The following ERICH1 variants were observed in gnomAD, a reference collection of about 807,000 sequenced individuals.
The protein encoded by ERICH1 is glutamate rich 1.
ERICH1 carries 56 observed loss-of-function variants against 39.6 expected under a neutral mutation model. The observed-to-expected ratio is 1.41, with a 90% CI of 1.14 to 1.77. ERICH1 has a LOEUF of 1.77. Among genes scored for constraint, ERICH1 ranks in the 40% most tolerant of loss-of-function variants. ERICH1 has a pLI of 0.00. For synonymous variants in ERICH1, 313 were observed against 223.6 expected, an observed-to-expected ratio of 1.40 and a Z score of -3.57; for missense variants, 826 against 575.4, an observed-to-expected ratio of 1.44 and a Z score of -4.45.
At position 708,681 on chromosome 8, in the gene ERICH1, G is replaced by GTTTTTTTTTTGTT. The variant is rs1563319316; in HGVS notation, c.169+7179_169+7180insAACAAAAAAAAAA. Among the ~76,000 whole-genome samples, 382 of 65,732 alleles carry GTTTTTTTTTTGTT rather than the reference G, an allele frequency of 5.8e-3. 12 individuals are homozygous for GTTTTTTTTTTGTT. The highest frequency in any genetic ancestry group is 8.4e-3 in the Non-Finnish European group (281 of 33,616). 43.1% of individuals were successfully genotyped at this position (65,732 alleles called of 152,430 possible). A position where few individuals can be genotyped will look rare whatever the true frequency, so the allele number is the denominator to read the frequency against. ...GGGCTGAGTGGTTACGGGATAATGA[G>GTTTTTTTTTTGTT]TTTTTTTTTTTTTTTTTTTTTTTTT... On this transcript the variant is annotated intron_variant, in intron 2 of 5. Transcript: ENST00000262109.
rs144044754 is a variant in ERICH1 at position 652,464 on chromosome 8, A to G, written c.976+16134T>C. Reference sequence around the variant, plus strand: ...TCTAGATAGGAACGGAGTGGAGTTGATATCACATAAAGTGACCACGAGCTT... The same window carrying G: ...TCTAGATAGGAACGGAGTGGAGTTGGTATCACATAAAGTGACCACGAGCTT... On this transcript the variant is annotated intron_variant, in intron 3 of 3. Transcript: ENST00000522706. Among the ~76,000 whole-genome samples, 49 of 152,312 alleles carry G rather than the reference A, an allele frequency of 3.2e-4. No individual in the cohort carries two copies. In the East Asian group the frequency reaches 5.2e-3, roughly 16 times the overall value.
chr8:677,138 C>T (rs1805028562), intron 3 of ERICH1, among the ~76,000 whole-genome samples: 1 of 152,246 alleles, frequency 6.6e-6, no homozygotes. Flanking sequence ...TCTTCGCCAG[C>T]TGCGGACACC....
chr8:704,075 G>A (rs1010620351), intron 2 of ERICH1, among the ~76,000 whole-genome samples: 1 of 152,188 alleles, frequency 6.6e-6, no homozygotes, highest in Non-Finnish European at 1.5e-5. Context: ...GACACTGGAT[G>A]TTAAAGACTT....
intron 1 of ERICH1, 133 bp downstream of exon 1, chr8:731,007 G>T (rs1339120001): frequency 3.2e-5 from 34 of 1,071,430 alleles, no homozygotes; most frequent in Non-Finnish European, 3.9e-5. Flanking sequence ...GACTGGGGTG[G>T]AGGTGGGGAG....
intron 1 of ERICH1, among the ~76,000 whole-genome samples, chr8:719,870 A>G (rs1186363370): frequency 6.6e-6 from 1 of 152,176 alleles, no homozygotes; most frequent in Non-Finnish European, 1.5e-5. Context: ...AGCACTGGCC[A>G]CAGGGTCCAC....
chr8:721,350 A>C (rs1199389785), intron 1 of ERICH1, among the ~76,000 whole-genome samples: 1 of 152,238 alleles, frequency 6.6e-6, no homozygotes, highest in Admixed American at 6.5e-5. Context: ...CCACCAGCTA[A>C]TATTGCTGGC....
chr8:653,745 T>C (rs56091506), intron 3 of ERICH1, among the ~76,000 whole-genome samples: 2,962 of 152,274 alleles, frequency 0.019, 41 homozygotes, highest in Non-Finnish European at 0.028. Flanking sequence ...GAGGATGTTA[T>C]GCTGGGTGAA....
At chr8:694,557 G>A (rs957963428) in intron 2 of ERICH1, among the ~76,000 whole-genome samples, 17 of 152,292 alleles carry the variant, frequency 1.1e-4, no homozygotes, top group Middle Eastern at 3.4e-3. Flanking sequence ...AGACAGTTCC[G>A]GTCTGTGGGG....
At chr8:618,152 C>A (rs895028663) in intron 3 of ERICH1, among the ~76,000 whole-genome samples, 1 of 150,190 alleles carries the variant, frequency 6.7e-6, no homozygotes, top group South Asian at 2.1e-4. Context: ...TCACTGCCCT[C>A]TGAGTGCTCA....
chr8:663,540 A>ACAGGCG (rs1563203173), downstream of ERICH1, among the ~76,000 whole-genome samples: 6 of 65,886 alleles, frequency 9.1e-5, no homozygotes, highest in African/African-American at 4.5e-4. Flanking sequence ...CGGGACAGGC[A>ACAGGCG]GGACAGGCGG....
chr8:619,227 A>G (rs540500572), intron 3 of ERICH1, among the ~76,000 whole-genome samples: 1 of 152,252 alleles, frequency 6.6e-6, no homozygotes, highest in South Asian at 2.1e-4. Flanking sequence ...AAATAAAGAG[A>G]AAGCCTTGAG....
At chr8:696,114 A>G (rs180970981) in intron 2 of ERICH1, among the ~76,000 whole-genome samples, 9 of 9,100 alleles carry the variant, frequency 9.9e-4, no homozygotes, top group African/African-American at 7.0e-3. Context: ...ATCAGCCTGC[A>G]CCTGTGCTGG....
intron 3 of ERICH1, among the ~76,000 whole-genome samples, chr8:682,122 T>C (rs62487396): frequency 0.018 from 2,753 of 151,504 alleles, 31 homozygotes; most frequent in Middle Eastern, 0.034. Context: ...TAAAACCCCA[T>C]TGTGGTGGTC....
intron 3 of ERICH1, among the ~76,000 whole-genome samples, chr8:650,675 A>G (rs1799832858): frequency 6.6e-6 from 1 of 152,206 alleles, no homozygotes; most frequent in South Asian, 2.1e-4. Flanking sequence ...CATGAGGCGC[A>G]GGACGCAAGT....
intron 2 of ERICH1, among the ~76,000 whole-genome samples, chr8:695,096 G>A (rs1054675713): frequency 1.4e-5 from 2 of 145,746 alleles, no homozygotes; most frequent in African/African-American, 2.5e-5. Flanking sequence ...TCACCTCTTC[G>A]CAGGTGTCAT....
chr8:665,257 T>C (rs1802018444), intron 5 of ERICH1, among the ~76,000 whole-genome samples: 1 of 151,910 alleles, frequency 6.6e-6, no homozygotes, highest in Non-Finnish European at 1.5e-5. Context: ...CTGAGCCCAC[T>C]GGTCCCCGGC....
intron 3 of ERICH1, among the ~76,000 whole-genome samples, chr8:638,330 C>A (rs1231984246): frequency 6.6e-6 from 1 of 152,220 alleles, no homozygotes; most frequent in Non-Finnish European, 1.5e-5. Context: ...GACAGCCACG[C>A]TTGGGCACGT....
intron 3 of ERICH1, chr8:656,875 A>C: frequency 3.1e-6 from 3 of 975,186 alleles, no homozygotes; most frequent in Non-Finnish European, 3.7e-6. Flanking sequence ...ACAAAGCAGA[A>C]ACTTAAACAT....
intron 5 of ERICH1, among the ~76,000 whole-genome samples, chr8:665,464 G>C (rs186624153): frequency 1.3e-3 from 202 of 152,310 alleles, no homozygotes; most frequent in African/African-American, 4.7e-3. Context: ...CAACCACAGA[G>C]AGCCAAGCCA....
Sources: gnomAD v4.1 joint callset for allele counts (sites outside exome capture counted in the v4.1 genomes callset) on GRCh38, gnomAD v4.1.1 for gene constraint, MANE v1.5 for transcripts, NCBI Gene and HGNC (gene_info 2026-07-23, HGNC 2026-07-21) for gene names.